Variants in ZNF274 observed in about 807,000 individuals in gnomAD.
ZNF274 encodes the protein zinc finger protein 274, also known as neurotrophin receptor-interacting factor homolog.
In ZNF274, 23 loss-of-function variants were observed where a neutral mutation model predicts 42.5. The ratio of observed to expected loss-of-function variants is 0.54; its 90% confidence interval spans 0.39 to 0.77. The LOEUF is 0.77. ZNF274 is among the 30% of genes least tolerant of loss of function. The probability of loss-of-function intolerance (pLI) is 0.00; values close to 1 mark genes in which losing one functional copy is unlikely to be tolerated. For synonymous variants in ZNF274, 292 were observed against 305.4 expected (o/e 0.96, Z 0.46); for missense variants, 679 against 806.5 (o/e 0.84, Z 1.91).
chr19:58,196,753 T>C (rs1174477220), intron 4 of ZNF274, among the ~76,000 whole-genome samples: 2 of 152,196 alleles, frequency 1.3e-5, no homozygotes, highest in African/African-American at 4.8e-5. Flanking sequence ...TATCCAAGAA[T>C]AAGATGGAGT....
At position 58,185,809 on chromosome 19, in the gene ZNF274, T is replaced by C; in HGVS notation, c.131T>C (p.Leu44Pro). ...AAGTCCCTGTACAGGGAAGTGATGC[T>C]GGAGAACTACAGGAACCTGGTCTCA... The part of the protein sequence containing the change: ...KQKSLYREVM[L>P]ENYRNLVSVE... Residue 44 changes from leucine to proline, a missense_variant, in exon 3 of 8, where the codon CTG becomes CCG. Leu to Pro is a moderately conservative substitution (Grantham distance 98). This residue lies in a region of ZNF274 where 223 missense variants were observed against 216.4 expected (regional missense o/e 1.03). Transcript: ENST00000617501. 1 of 1,419,398 alleles carries C rather than the reference T, an allele frequency of 7.0e-7. No homozygotes were observed. The highest frequency in any genetic ancestry group is 9.3e-7 in the Non-Finnish European group (1 of 1,076,878). The allele number at this position is 1,419,398 out of a possible 1,614,324, so 87.9% of individuals were successfully genotyped here. A position where few individuals can be genotyped will look rare whatever the true frequency, so the allele number is the denominator to read the frequency against.
In ZNF274 at chr19:58,212,777, G is replaced by GAGGCCCC. The variant is rs1267270759; in HGVS notation, c.1602_1603insCAGGCCC (p.Tyr535GlnfsTer32). ...TGCATAAGAAAATCCATACCGGAGAGAGGCCCTATGTGTGTCAAGACTGTG... is the reference window on the plus strand; with the variant it reads ...TGCATAAGAAAATCCATACCGGAGAGAGGCCCCAGGCCCTATGTGTGTCAAGACTGTG... On this transcript the variant is annotated frameshift_variant, in exon 8 of 8. Transcript: ENST00000617501. LOFTEE classifies it high-confidence loss of function. This position sits in a 1 kb window ranked among gnomAD's most constrained non-coding sequence, Gnocchi z 4.6. 6.2e-7 allele frequency: 1 copy of GAGGCCCC among 1,613,920 alleles called. No individual in the cohort carries two copies. Among genetic ancestry groups the GAGGCCCC allele is most frequent in the Non-Finnish European group, 8.5e-7 (1 of 1,179,914 alleles).
rs1448558957 is a variant in ZNF274, at chr19:58,207,838, CT to C, written c.739+638del. 6.6e-6 allele frequency among the ~76,000 whole-genome samples: 1 copy of C among 152,182 alleles called. No homozygotes were observed. The highest frequency in any genetic ancestry group is 1.9e-4 in the East Asian group (1 of 5,196). ...TAGTCCTAAAGCAAAGCAAAATGTT[CT>C]TCTAAAACAGTAGGGCTCGATCCCT... On this transcript the variant is annotated intron_variant, in intron 5 of 7. Transcript: ENST00000617501. The surrounding 1 kb of genome is among the most constrained non-coding windows in gnomAD (Gnocchi z 5.6).
chr19:58,209,819 G>T (rs956959829), intron 5 of ZNF274, 142 bp from the exon 6 acceptor site: 3 of 591,344 alleles, frequency 5.1e-6, no homozygotes, highest in African/African-American at 3.7e-5. Context: ...CTGGTGGGAA[G>T]GGAGGACAGG....
chr19:58,183,641 C>T (rs1347395202), intron 1 of ZNF274, 199 bp downstream of exon 1: 3 of 249,826 alleles, frequency 1.2e-5, no homozygotes, highest in African/African-American at 6.7e-5. Context: ...TTTCGGGGCG[C>T]CGCGGTGGAG....
chr19:58,204,903 A>G (rs967265129), intron 4 of ZNF274, among the ~76,000 whole-genome samples: 2 of 152,126 alleles, frequency 1.3e-5, no homozygotes, highest in Non-Finnish European at 2.9e-5. Flanking sequence ...GAGAGAGTCA[A>G]AGGCAGGTAG....
rs2146191799 is a variant in ZNF274 at position 58,187,038 on chromosome 19, T to G, written c.252T>G (p.Ile84Met). Reference protein sequence around the residue: ...PVERGIPQDTIPEYPELQLDP... With the variant: ...PVERGIPQDTMPEYPELQLDP... ...AGAGAGGAATTCCTCAAGACACCAT[T>G]CCAGGTGAGAACCAGACATGGGAAG... Residue 84 changes from isoleucine to methionine, a missense_variant, in exon 4 of 8, where the codon ATT (isoleucine) becomes ATG (methionine). Physicochemically the swap from Ile to Met is conservative, Grantham distance 10. Coordinates refer to ENST00000617501, the MANE Select transcript of ZNF274 (RefSeq NM_133502.3). 1 of 1,611,076 alleles carries G rather than the reference T, an allele frequency of 6.2e-7. No individual in the cohort carries two copies. The highest frequency in any genetic ancestry group is 2.2e-5 in the East Asian group (1 of 44,858).
intron 4 of ZNF274, among the ~76,000 whole-genome samples, chr19:58,193,754 A>C (rs1355448930): frequency 1.3e-5 from 2 of 151,928 alleles, no homozygotes. Flanking sequence ...GCAAAACGTC[A>C]TCTCTACTAA....
intron 4 of ZNF274, among the ~76,000 whole-genome samples, chr19:58,197,440 G>A (rs939972569): frequency 6.6e-6 from 1 of 152,150 alleles, no homozygotes; most frequent in African/African-American, 2.4e-5. Flanking sequence ...ATAAAACACT[G>A]ATAAGTATAT....
At chr19:58,203,175 A>G (rs1285953060) in intron 4 of ZNF274, among the ~76,000 whole-genome samples, 3 of 151,898 alleles carry the variant, frequency 2.0e-5, no homozygotes, top group African/African-American at 4.8e-5. Context: ...GCCCCCCCCC[A>G]GGAAGTACAG....
intron 4 of ZNF274, among the ~76,000 whole-genome samples, chr19:58,192,714 T>C (rs1489241599): frequency 1.3e-5 from 2 of 152,210 alleles, no homozygotes; most frequent in Non-Finnish European, 1.5e-5. Context: ...AAAAAAAGTT[T>C]GCACATGTTC....
chr19:58,185,068 C>G (rs1177110138), intron 2 of ZNF274, among the ~76,000 whole-genome samples: 6 of 148,616 alleles, frequency 4.0e-5, no homozygotes, highest in African/African-American at 1.2e-4. Flanking sequence ...TGCAGTGAGC[C>G]GAGATGGCGC....
At position 58,212,251 on chromosome 19, in the gene ZNF274, C is replaced by A. The variant is rs1404601958; in HGVS notation, c.1070C>A (p.Ser357Tyr). ...EPAPSLKVQE[S>Y]SRDCALSSTL... ...GCCCCCAGCCTGAAAGTACAAGAAT[C>A]CTCAAGGGATTGTGCCTTGTCCTCT... Residue 357 changes from serine to tyrosine, a missense_variant, in exon 8 of 8, where the codon TCC becomes TAC. Physicochemically the swap from Ser to Tyr is moderately radical, Grantham distance 144 (BLOSUM62 -2). Coordinates refer to ENST00000617501, the MANE Select transcript of ZNF274 (RefSeq NM_133502.3). The surrounding 1 kb of genome is among the most constrained non-coding windows in gnomAD (Gnocchi z 4.6). 9.3e-6 allele frequency: 15 copies of A among 1,613,730 alleles called. No individual in the cohort carries two copies. The South Asian group carries it at 1.1e-4, about 12-fold the overall frequency.
chr19:58,199,236 G>A (rs2075880307), intron 4 of ZNF274, among the ~76,000 whole-genome samples: 1 of 151,618 alleles, frequency 6.6e-6, no homozygotes, highest in Non-Finnish European at 1.5e-5. Flanking sequence ...TGTGGTGGTG[G>A]GCGCCTGTAA....
intron 4 of ZNF274, among the ~76,000 whole-genome samples, chr19:58,187,604 G>T (rs577430926): frequency 6.6e-6 from 1 of 152,064 alleles, no homozygotes; most frequent in South Asian, 2.1e-4. Flanking sequence ...TTTTTGTAGA[G>T]ACAGTGTTTC....
Position 58,211,993 on chromosome 19 carries a change from T to C in ZNF274, c.980-168T>C, listed in dbSNP as rs10419091. On this transcript the variant is annotated intron_variant, in intron 7 of 7. Transcript: ENST00000617501. This position sits in a 1 kb window ranked among gnomAD's most constrained non-coding sequence, Gnocchi z 4.8. ...GTCCCTTGTTCACCAAGGTCAGTGC[T>C]CCCCTCCCTGCCGCTTCATTGCTTT... 0.16 allele frequency among the ~76,000 whole-genome samples: 23,838 copies of C among 152,042 alleles called. 2,095 individuals are homozygous for C. Among genetic ancestry groups the C allele is most frequent in the Admixed American group, 0.19 (2,885 of 15,286 alleles).
intron 2 of ZNF274, 133 bp downstream of exon 2, chr19:58,184,131 G>A (rs1382745815): frequency 1.1e-5 from 11 of 1,010,390 alleles, no homozygotes; most frequent in Non-Finnish European, 1.6e-5. Context: ...AGATTGGTTG[G>A]GCATGAGAGA....
intron 4 of ZNF274, among the ~76,000 whole-genome samples, chr19:58,205,900 TTTG>T (rs1348737835): frequency 9.8e-5 from 15 of 152,340 alleles, no homozygotes; most frequent in African/African-American, 2.9e-4. Flanking sequence ...CTCATTGCCT[TTTG>T]TTCTTTCCCT....
At chr19:58,189,344 G>A (rs1256417139) in intron 4 of ZNF274, among the ~76,000 whole-genome samples, 1 of 152,026 alleles carries the variant, frequency 6.6e-6, no homozygotes, top group Non-Finnish European at 1.5e-5. Context: ...TATATACCTC[G>A]AACTGCTGCG....
Sources: allele counts gnomAD v4.1 joint callset (sites outside exome capture counted in the v4.1 genomes callset), GRCh38; gene constraint gnomAD v4.1.1; regional missense constraint gnomAD v4.1.1; non-coding constraint Gnocchi (gnomAD v3.1); transcripts MANE v1.5; gene names NCBI Gene and HGNC (gene_info 2026-07-23, HGNC 2026-07-21).